ADAMTSL3: variants seen among roughly 807,000 people sequenced by gnomAD.
The protein encoded by ADAMTSL3 is ADAMTS-like protein 3.
A neutral mutation model predicts 201.7 loss-of-function variants in ADAMTSL3; 128 were observed. The ratio of observed to expected loss-of-function variants is 0.63; its 90% CI spans 0.55 to 0.73. The LOEUF is 0.73. Ranked by LOEUF, ADAMTSL3 falls within the 30% of genes least tolerant of loss-of-function variation. ADAMTSL3 has a pLI of 0.00. For missense variants in ADAMTSL3, 1,990 were observed against 2,119.6 expected (o/e 0.94, Z 1.20); for synonymous variants, 738 against 748.4 (o/e 0.99, Z 0.23).
At chr15:83,698,989 C>T in intron 2 of ADAMTSL3, among the ~76,000 whole-genome samples, 1 of 152,050 alleles carries the variant, frequency 6.6e-6, no homozygotes, top group East Asian at 1.9e-4. Context: ...GCTTGCTCCT[C>T]CTCTTCTACT....
chr15:83,994,807 A>C (rs1252818802), intron 23 of ADAMTSL3, among the ~76,000 whole-genome samples: 1 of 133,100 alleles, frequency 7.5e-6, no homozygotes, highest in Non-Finnish European at 1.6e-5. Flanking sequence ...CGGGGGTTTC[A>C]CCATGTTGCC....
intron 15 of ADAMTSL3, among the ~76,000 whole-genome samples, chr15:83,907,637 C>T (rs1048891470): frequency 2.0e-5 from 3 of 152,210 alleles, no homozygotes; most frequent in African/African-American, 7.2e-5. Flanking sequence ...CTCCTGACCT[C>T]AAGTGATCTG....
At chr15:83,824,473 C>T (rs2063975336) in intron 6 of ADAMTSL3, among the ~76,000 whole-genome samples, 1 of 152,196 alleles carries the variant, frequency 6.6e-6, no homozygotes, top group Non-Finnish European at 1.5e-5. Context: ...TGAACCTACA[C>T]TGACACATCA....
At chr15:83,669,424 G>A (rs534882111) in intron 2 of ADAMTSL3, among the ~76,000 whole-genome samples, 9 of 148,370 alleles carry the variant, frequency 6.1e-5, no homozygotes, top group African/African-American at 1.0e-4. Context: ...GATCACAGGC[G>A]TGAGCCACTG....
At chr15:83,886,763 C>G (rs2065399506) in intron 10 of ADAMTSL3, among the ~76,000 whole-genome samples, 1 of 152,148 alleles carries the variant, frequency 6.6e-6, no homozygotes, top group South Asian at 2.1e-4. Flanking sequence ...TGAAGGAGGG[C>G]TCTTCAGTCA....
chr15:83,667,417 C>T (rs765643702), intron 2 of ADAMTSL3, among the ~76,000 whole-genome samples: 6 of 151,972 alleles, frequency 3.9e-5, no homozygotes, highest in Non-Finnish European at 7.4e-5. Context: ...AACAAAAGTT[C>T]CTTCTCTCAA....
chr15:83,788,416 C>T (rs1243292718), intron 4 of ADAMTSL3, among the ~76,000 whole-genome samples: 3 of 152,142 alleles, frequency 2.0e-5, no homozygotes, highest in African/African-American at 7.2e-5. Context: ...TTTATGGATA[C>T]ATTCTCCAGA....
chr15:83,949,113 TCTAA>T (rs1275260349), intron 19 of ADAMTSL3, among the ~76,000 whole-genome samples: 6 of 152,124 alleles, frequency 3.9e-5, no homozygotes, highest in Non-Finnish European at 8.8e-5. Flanking sequence ...ACTGATTCTT[TCTAA>T]CTATTTTTTG....
intron 2 of ADAMTSL3, among the ~76,000 whole-genome samples, chr15:83,656,893 C>G (rs369000167): frequency 3.9e-5 from 6 of 152,218 alleles, no homozygotes; most frequent in African/African-American, 1.4e-4. Flanking sequence ...TCTTGTTTCA[C>G]TTTCTTGGAC....
At chr15:83,996,041 T>C (rs899521323) in intron 23 of ADAMTSL3, among the ~76,000 whole-genome samples, 1 of 152,186 alleles carries the variant, frequency 6.6e-6, no homozygotes. Flanking sequence ...TAAATTGTTA[T>C]AGGATAATTG....
chr15:83,898,036 CA>C (rs1371235714), intron 14 of ADAMTSL3, 31 bp downstream of exon 14: 1 of 1,582,566 alleles, frequency 6.3e-7, no homozygotes, highest in Non-Finnish European at 8.6e-7. Flanking sequence ...AAATTCAAAT[CA>C]AATGGTATTT....
intron 25 of ADAMTSL3, among the ~76,000 whole-genome samples, chr15:84,019,272 G>A (rs1426088162): frequency 1.3e-5 from 2 of 152,148 alleles, no homozygotes; most frequent in Non-Finnish European, 2.9e-5. Context: ...AGAGTGTGAA[G>A]CAACTGAAAC....
chr15:83,712,437 G>A (rs1278306164), intron 3 of ADAMTSL3, among the ~76,000 whole-genome samples: 1 of 152,220 alleles, frequency 6.6e-6, no homozygotes, highest in Non-Finnish European at 1.5e-5. Flanking sequence ...ACACGGCTAA[G>A]GTGGGGGGTT....
intron 9 of ADAMTSL3, among the ~76,000 whole-genome samples, chr15:83,884,067 A>G (rs2141865816): frequency 6.6e-6 from 1 of 150,644 alleles, no homozygotes; most frequent in East Asian, 2.0e-4. Context: ...TAATTTTTGT[A>G]TTTTTTAGTA....
chr15:83,835,126 C>T (rs1039202563), intron 6 of ADAMTSL3, among the ~76,000 whole-genome samples: 6 of 148,728 alleles, frequency 4.0e-5, no homozygotes, highest in Non-Finnish European at 7.4e-5. Context: ...CCCAGCTACT[C>T]GGGAGGCTGA....
chr15:83,676,814 C>G (rs1467147510), intron 2 of ADAMTSL3, among the ~76,000 whole-genome samples: 1 of 152,204 alleles, frequency 6.6e-6, no homozygotes, highest in African/African-American at 2.4e-5. Flanking sequence ...GCTTGTTTGC[C>G]CCTTCTTCCA....
chr15:84,033,832 C>T (rs375199119), intron 28 of ADAMTSL3, among the ~76,000 whole-genome samples: 10 of 152,080 alleles, frequency 6.6e-5, no homozygotes, highest in African/African-American at 2.2e-4. Flanking sequence ...AAATAAGAGG[C>T]AGAAAATGTA....
intron 25 of ADAMTSL3, among the ~76,000 whole-genome samples, chr15:84,020,558 A>T (rs552058348): frequency 6.6e-6 from 1 of 152,380 alleles, no homozygotes; most frequent in East Asian, 1.9e-4. Flanking sequence ...TTCAAAAATC[A>T]GAAGGAAAAA....
At chr15:83,828,339 G>C (rs896508371) in intron 6 of ADAMTSL3, among the ~76,000 whole-genome samples, 2 of 152,178 alleles carry the variant, frequency 1.3e-5, no homozygotes, top group Non-Finnish European at 2.9e-5. Flanking sequence ...TCTGTTATTG[G>C]TGTATAAGAA....
Sources: gnomAD v4.1 joint callset for allele counts (sites outside exome capture counted in the v4.1 genomes callset) on GRCh38, gnomAD v4.1.1 for gene constraint, MANE v1.5 for transcripts, NCBI Gene and HGNC (gene_info 2026-07-23, HGNC 2026-07-21) for gene names.